The following FOXP2 variants were observed in gnomAD, a reference collection of about 807,000 sequenced individuals.
FOXP2 encodes forkhead box protein P2.
A neutral mutation model predicts 115.8 loss-of-function variants in FOXP2; 12 were observed. The observed-to-expected ratio is 0.10, with a 90% confidence interval of 0.07 to 0.17. The LOEUF is 0.17. Ranked by LOEUF, FOXP2 falls within the 10% of genes least tolerant of loss-of-function variation. FOXP2 has a pLI of 1.00. For synonymous variants in FOXP2, 328 were observed against 297.7 expected (o/e 1.10, Z -1.05); for missense variants, 629 against 843.5 (o/e 0.75, Z 3.15).
chr7:114,195,596 G>C (rs558830890), intron 1 of FOXP2, among the ~76,000 whole-genome samples: 1 of 152,210 alleles, frequency 6.6e-6, no homozygotes, highest in African/African-American at 2.4e-5. Context: ...TATTCTTAAA[G>C]CTAACTGTAA....
chr7:114,612,987 T>C (rs1274965576), intron 3 of FOXP2, among the ~76,000 whole-genome samples: 2 of 152,226 alleles, frequency 1.3e-5, no homozygotes, highest in Non-Finnish European at 2.9e-5. Flanking sequence ...AAGTTACTTT[T>C]GTGTTACTTT....
intron 2 of FOXP2, among the ~76,000 whole-genome samples, chr7:114,362,128 A>C (rs576431764): frequency 1.8e-4 from 27 of 152,160 alleles, no homozygotes; most frequent in Non-Finnish European, 3.4e-4. Flanking sequence ...CAAATGTAAA[A>C]AATACAATGA....
At chr7:114,312,487 T>C (rs1797171258) in intron 2 of FOXP2, among the ~76,000 whole-genome samples, 1 of 152,168 alleles carries the variant, frequency 6.6e-6, no homozygotes, top group Non-Finnish European at 1.5e-5. Flanking sequence ...AGAACCCTTT[T>C]CCTTCCTGTT....
At chr7:114,349,083 T>TCTTA (rs1791416355) in intron 2 of FOXP2, among the ~76,000 whole-genome samples, 1 of 152,112 alleles carries the variant, frequency 6.6e-6, no homozygotes, top group Non-Finnish European at 1.5e-5. Flanking sequence ...GTAGAGGCAG[T>TCTTA]TTCAGACATT....
intron 2 of FOXP2, among the ~76,000 whole-genome samples, chr7:114,457,769 G>C (rs912969149): frequency 1.3e-5 from 2 of 151,956 alleles, no homozygotes; most frequent in African/African-American, 4.8e-5. Flanking sequence ...GTGGTGGCAG[G>C]TGCCTGTAGT....
rs1464706169 is a variant in FOXP2 at position 114,310,911 on chromosome 7, G to A, written c.-11+22802G>A. On this transcript the variant is annotated intron_variant, in intron 2 of 17. Coordinates refer to the FOXP2 transcript ENST00000634411. Reference sequence around the variant, plus strand: ...GTGGGTGACTTGAGAGATCAAGTGTGCAGCTCAACCTTTTGACTTGAGCCT... The same window carrying A: ...GTGGGTGACTTGAGAGATCAAGTGTACAGCTCAACCTTTTGACTTGAGCCT... Among the ~76,000 whole-genome samples the A allele has an allele frequency of 2.0e-5, 3 of 152,184 alleles. 1 individual carries two copies. Among genetic ancestry groups the A allele is most frequent in the Admixed American group, 1.3e-4 (2 of 15,276 alleles).
At chr7:114,360,961 A>G (rs928333633) in intron 2 of FOXP2, among the ~76,000 whole-genome samples, 2 of 152,174 alleles carry the variant, frequency 1.3e-5, no homozygotes, top group African/African-American at 4.8e-5. Flanking sequence ...GTGAAGATAA[A>G]CTTTACTAGC....
intron 11 of FOXP2, 138 bp downstream of exon 11, chr7:114,658,405 T>C (rs578158228): frequency 2.2e-6 from 2 of 918,474 alleles, no homozygotes; most frequent in South Asian, 1.4e-5. Context: ...TTATTCCTGG[T>C]AAATGCGAAT....
At chr7:114,263,870 A>G (rs1256961749) in intron 1 of FOXP2, among the ~76,000 whole-genome samples, 1 of 151,650 alleles carries the variant, frequency 6.6e-6, no homozygotes, top group Non-Finnish European at 1.5e-5. Context: ...TTCCTCACCT[A>G]TTTGTGTCCT....
intron 2 of FOXP2, among the ~76,000 whole-genome samples, chr7:114,435,047 T>C (rs1794278409): frequency 6.6e-6 from 1 of 152,188 alleles, no homozygotes; most frequent in Non-Finnish European, 1.5e-5. Context: ...AATGCTTCCA[T>C]AACGGAAGTT....
intron 3 of FOXP2, among the ~76,000 whole-genome samples, chr7:114,576,591 T>C (rs1380851636): frequency 6.6e-6 from 1 of 151,940 alleles, no homozygotes; most frequent in Non-Finnish European, 1.5e-5. Context: ...TTGTTGTTGT[T>C]AATATATTTT....
chr7:114,375,773 C>T (rs1004901287), intron 2 of FOXP2, among the ~76,000 whole-genome samples: 4 of 152,128 alleles, frequency 2.6e-5, no homozygotes, highest in Middle Eastern at 3.2e-3. Context: ...GCTTGTTGAC[C>T]GGGCTGCTGG....
At chr7:114,160,770 A>C (rs971351732), upstream of FOXP2, among the ~76,000 whole-genome samples, 1 of 128,290 alleles carries the variant, frequency 7.8e-6, no homozygotes, top group African/African-American at 2.9e-5. Flanking sequence ...TCTATCATGA[A>C]AAGTATATTT....
chr7:114,186,589 G>T (rs966653554), intron 1 of FOXP2, among the ~76,000 whole-genome samples: 6 of 152,162 alleles, frequency 3.9e-5, no homozygotes, highest in Non-Finnish European at 7.3e-5. Flanking sequence ...GCCCTCAGAG[G>T]TTGGAGTCTT....
chr7:114,292,643 T>C (rs750397258), intron 2 of FOXP2, among the ~76,000 whole-genome samples: 68 of 152,150 alleles, frequency 4.5e-4, no homozygotes, highest in Non-Finnish European at 8.4e-4. Context: ...CCACTATATT[T>C]TTCTTATTTC....
intron 2 of FOXP2, among the ~76,000 whole-genome samples, chr7:114,340,742 C>G (rs1791183064): frequency 6.6e-6 from 1 of 150,998 alleles, no homozygotes; most frequent in African/African-American, 2.4e-5. Flanking sequence ...TAAAATATTA[C>G]TCCCTGTGAT....
intron 3 of FOXP2, among the ~76,000 whole-genome samples, chr7:114,574,636 C>A (rs979708617): frequency 4.0e-5 from 6 of 151,822 alleles, no homozygotes; most frequent in African/African-American, 1.4e-4. Context: ...GCCTGAATGA[C>A]CTCATTAACA....
chr7:114,185,540 G>A (rs1430333362), intron 1 of FOXP2, among the ~76,000 whole-genome samples: 2 of 152,160 alleles, frequency 1.3e-5, no homozygotes, highest in African/African-American at 4.8e-5. Context: ...GCTAACTTTT[G>A]TTATTATTGT....
rs191007658 is a variant in FOXP2 at position 114,183,285 on chromosome 7, T to C, written c.-102+20197T>C. 2.6e-5 allele frequency among the ~76,000 whole-genome samples: 4 copies of C among 152,314 alleles called. No homozygotes were observed. The East Asian group carries it at 5.8e-4, about 22-fold the overall frequency. On this transcript the variant is annotated intron_variant, in intron 1 of 17. Transcript: ENST00000634411. Reference sequence around the variant, plus strand: ...TTCTCTTTTGCTGCCTCTTGTTCTTTAATAATTTGGTGTTAGATTAAGGTT... The same window carrying C: ...TTCTCTTTTGCTGCCTCTTGTTCTTCAATAATTTGGTGTTAGATTAAGGTT...
Sources: allele counts gnomAD v4.1 joint callset (sites outside exome capture counted in the v4.1 genomes callset), GRCh38; gene constraint gnomAD v4.1.1; transcripts MANE v1.5; gene names NCBI Gene and HGNC (gene_info 2026-07-23, HGNC 2026-07-21).